The following NBPF20 variants were observed in gnomAD, a reference collection of about 807,000 sequenced individuals.
NBPF20 encodes NBPF member 20, also known as NBPF family member NBPF20.
Under a neutral mutation model 68.1 loss-of-function variants are expected in NBPF20, and 90 were observed. The ratio of observed to expected loss-of-function variants is 1.32; its 90% CI spans 1.11 to 1.58. NBPF20 has a LOEUF of 1.58. NBPF20 is among the 40% of genes most tolerant of loss of function. The probability of loss-of-function intolerance (pLI) is 0.00; values close to 1 mark genes in which losing one functional copy is unlikely to be tolerated. For missense variants in NBPF20, 816 were observed against 601.2 expected (o/e 1.36, Z -3.74); for synonymous variants, 290 against 228.1 (o/e 1.27, Z -2.45).
chr1:145,406,161 T>C (rs1332850388), upstream of NBPF20, among the ~76,000 whole-genome samples: 5 of 149,192 alleles, frequency 3.4e-5, no homozygotes, highest in Admixed American at 2.0e-4. Context: ...GGTCTCGATC[T>C]CCTGACCTCG....
At chr1:145,403,632 C>G (rs1553666084) in intron 2 of NBPF20, among the ~76,000 whole-genome samples, 2 of 138,336 alleles carry the variant, frequency 1.4e-5, no homozygotes, top group Non-Finnish European at 3.2e-5. Context: ...CTTTCCCAAG[C>G]CTTGCAGCCT....
chr1:145,419,750 A>G, the NBPF20 span, among the ~76,000 whole-genome samples: 874 of 151,888 alleles, frequency 5.8e-3, 11 homozygotes, highest in African/African-American at 0.02. Flanking sequence ...GGTGGGTTCC[A>G]TGGGGTAGTG....
the NBPF20 span, among the ~76,000 whole-genome samples, chr1:145,415,262 T>C: frequency 1.3e-5 from 2 of 151,872 alleles, no homozygotes; most frequent in South Asian, 4.2e-4. Flanking sequence ...CCTCCAGTCC[T>C]AAGGCGGTTT....
the NBPF20 span, among the ~76,000 whole-genome samples, chr1:145,421,116 TAA>T: frequency 1.3e-4 from 19 of 144,718 alleles, no homozygotes; most frequent in South Asian, 3.4e-3. Flanking sequence ...GAAAAAAAAA[TAA>T]AGAGTCCTGA....
chr1:145,291,291 A>G, exon 138 of NBPF20: 1 of 653,418 alleles, frequency 1.5e-6, no homozygotes, highest in Non-Finnish European at 2.6e-6. Flanking sequence ...TGTCTGACTG[A>G]TCACTCCCGG....
At chr1:145,291,991 A>T (rs1553657912) in intron 137 of NBPF20, among the ~76,000 whole-genome samples, 1 of 150,238 alleles carries the variant, frequency 6.7e-6, no homozygotes, top group African/African-American at 2.5e-5. Context: ...AGACAGAGAG[A>T]GAGAGAAAGT....
At chr1:145,397,487 G>A (rs1662309258) in intron 7 of NBPF20, among the ~76,000 whole-genome samples, 1 of 152,184 alleles carries the variant, frequency 6.6e-6, no homozygotes, top group East Asian at 1.9e-4. Context: ...GCCAAACAAA[G>A]CTTCATAAGT....
Position 145,311,857 on chromosome 1 carries a change from G to A in NBPF20, c.13660+351C>T, listed in dbSNP as rs1241893570. ...AAATACTCAGATTGTTCACGGTAGC[G>A]AGGATTTTAGATGCTGAAATTAGAG... On this transcript the variant is annotated intron_variant, in intron 112 of 137. Coordinates refer to ENST00000369373, the Ensembl canonical transcript of NBPF20. Among the ~76,000 whole-genome samples, 14 of 111,216 alleles carry A rather than the reference G, an allele frequency of 1.3e-4. 3 individuals carry two copies. The highest frequency in any genetic ancestry group is 8.5e-4 in the Admixed American group (10 of 11,696). 73.0% of individuals were successfully genotyped at this position (111,216 alleles called of 152,430 possible).
exon 138 of NBPF20, chr1:145,291,371 T>G (rs1553657441): frequency 2.6e-6 from 4 of 1,536,186 alleles, no homozygotes; most frequent in Non-Finnish European, 1.8e-6. Flanking sequence ...TGAGCACAGG[T>G]TGCCACTGGC....
the NBPF20 span, among the ~76,000 whole-genome samples, chr1:145,415,750 C>G: frequency 1.7e-4 from 26 of 152,020 alleles, no homozygotes; most frequent in South Asian, 4.2e-4. Flanking sequence ...CAAGGCAAAA[C>G]AATTTTTCTT....
the NBPF20 span, among the ~76,000 whole-genome samples, chr1:145,421,028 GT>G: frequency 7.2e-6 from 1 of 139,220 alleles, no homozygotes; most frequent in Non-Finnish European, 1.5e-5. Context: ...TACTCGGAAG[GT>G]TGAGGCAGGA....
chr1:145,414,853 G>A, the NBPF20 span, among the ~76,000 whole-genome samples: 11 of 148,060 alleles, frequency 7.4e-5, no homozygotes, highest in Non-Finnish European at 1.3e-4. Flanking sequence ...CACATTTCTG[G>A]AAGAATAAAA....
intron 9 of NBPF20, 145 bp from the exon 15 acceptor site, chr1:145,393,391 G>T (rs1234312567): frequency 6.3e-5 from 45 of 714,340 alleles, no homozygotes; most frequent in South Asian, 6.3e-4. Flanking sequence ...TTGCCTTTAT[G>T]TTGGGATAGA....
At chr1:145,423,687 A>G in the NBPF20 span, among the ~76,000 whole-genome samples, 1 of 150,860 alleles carries the variant, frequency 6.6e-6, no homozygotes, top group Admixed American at 6.6e-5. Flanking sequence ...CTCAATCTCA[A>G]TACCAGGAAA....
At chr1:145,405,145 A>G (rs1553666794) in exon 2 of NBPF20, 1 of 1,613,646 alleles carries the variant, frequency 6.2e-7, no homozygotes, top group Non-Finnish European at 8.5e-7. Context: ...TTGAGTTACA[A>G]AACATCTCTC....
chr1:145,292,318 C>G (rs587723370), intron 137 of NBPF20, 63 bp downstream of exon 142: 18 of 631,708 alleles, frequency 2.8e-5, no homozygotes, highest in Non-Finnish European at 1.1e-5. Context: ...ACTCTGGTTT[C>G]CCTGAATCTG....
upstream of NBPF20, among the ~76,000 whole-genome samples, chr1:145,410,516 T>C (rs190156110): frequency 5.7e-3 from 859 of 150,718 alleles, 6 homozygotes; most frequent in Non-Finnish European, 8.0e-3. Flanking sequence ...GGTTTCACCG[T>C]TTTAGCCGGG....
chr1:145,393,442 C>T (rs1662022984), intron 9 of NBPF20, among the ~76,000 whole-genome samples, 196 bp from the exon 15 acceptor site: 2 of 116,636 alleles, frequency 1.7e-5, no homozygotes, highest in South Asian at 2.7e-4. Context: ...GAGACACACA[C>T]TCACACACAC....
chr1:145,407,859 G>A (rs1184197472), upstream of NBPF20: 3 of 159,816 alleles, frequency 1.9e-5, no homozygotes, highest in South Asian at 1.6e-4. Context: ...CGCCGTCCCA[G>A]GGAAAACCTT....
Sources: allele counts gnomAD v4.1 joint callset (sites outside exome capture counted in the v4.1 genomes callset), GRCh38; gene constraint gnomAD v4.1.1; transcripts MANE v1.5; gene names NCBI Gene and HGNC (gene_info 2026-07-23, HGNC 2026-07-21).